ZMYM2: variants seen among roughly 807,000 people sequenced by gnomAD.
ZMYM2 encodes the protein zinc finger MYM-type protein 2.
Under a neutral mutation model 162.8 loss-of-function variants are expected in ZMYM2, and 56 were observed. The ratio of observed to expected loss-of-function variants is 0.34; its 90% CI spans 0.28 to 0.43. ZMYM2 has a LOEUF of 0.43. ZMYM2 is among the 20% of genes least tolerant of loss of function. The pLI, the probability that ZMYM2 is intolerant of heterozygous loss-of-function variation, is 1.00. For synonymous variants in ZMYM2, 510 were observed against 541.6 expected, an observed-to-expected ratio of 0.94 and a Z score of 0.81; for missense variants, 1,275 against 1,621.8, an observed-to-expected ratio of 0.79 and a Z score of 3.67.
At chr13:20,052,616 TAA>T (rs1345491987) in intron 14 of ZMYM2, among the ~76,000 whole-genome samples, 1 of 152,194 alleles carries the variant, frequency 6.6e-6, no homozygotes, top group Non-Finnish European at 1.5e-5. Flanking sequence ...TGTTTGAAAT[TAA>T]GACAATGGCA....
At chr13:19,884,473 G>A in the ZMYM2 span, among the ~76,000 whole-genome samples, 3 of 152,068 alleles carry the variant, frequency 2.0e-5, no homozygotes, top group Non-Finnish European at 2.9e-5. Context: ...AGCTACTCGG[G>A]AGGCCGAGGC....
chr13:19,998,468 G>C (rs1356666988), intron 3 of ZMYM2, among the ~76,000 whole-genome samples: 1 of 152,112 alleles, frequency 6.6e-6, no homozygotes, highest in African/African-American at 2.4e-5. Flanking sequence ...TATTTGTGTG[G>C]GCAAGAGCTG....
Position 19,993,280 on chromosome 13 carries a change from C to T in ZMYM2, c.208C>T (p.Pro70Ser). The T allele has an allele frequency of 1.9e-6, 3 of 1,613,930 alleles. No homozygotes were observed. The South Asian group carries it at 3.3e-5, about 18-fold the overall frequency. ...TTTTATCGAACCTGTACAACCTCCC[C>T]CACCTTCTGTACCAGTGGTAGCTGA... ...VVFIEPVQPP[P>S]PSVPVVADQR... The change falls in exon 3 of 25, where the codon CCA becomes TCA. Residue 70 changes from proline (P) to serine (S), a missense_variant. Pro to Ser is a moderately conservative substitution (Grantham distance 74). Transcript: ENST00000610343.
At chr13:20,027,702 A>G (rs953184965) in intron 9 of ZMYM2, among the ~76,000 whole-genome samples, 1 of 152,168 alleles carries the variant, frequency 6.6e-6, no homozygotes, top group Non-Finnish European at 1.5e-5. Flanking sequence ...TGCTTTCTTC[A>G]TATGTTAGAA....
chr13:20,047,649 CT>C (rs1246984339), intron 12 of ZMYM2, among the ~76,000 whole-genome samples: 34 of 152,028 alleles, frequency 2.2e-4, no homozygotes, highest in African/African-American at 7.7e-4. Flanking sequence ...ATAACTTCTA[CT>C]TTTTTGTTTA....
At chr13:19,896,032 C>CGTT in the ZMYM2 span, among the ~76,000 whole-genome samples, 1 of 44,214 alleles carries the variant, frequency 2.3e-5, no homozygotes, top group Admixed American at 3.6e-4. Flanking sequence ...ATTCTGATTC[C>CGTT]ATTTTTTTTT....
At chr13:20,040,750 A>G (rs1460492481) in intron 12 of ZMYM2, among the ~76,000 whole-genome samples, 1 of 152,094 alleles carries the variant, frequency 6.6e-6, no homozygotes, top group Admixed American at 6.5e-5. Flanking sequence ...AGTGCTATAA[A>G]TTTCCCTCTC....
intron 6 of ZMYM2, among the ~76,000 whole-genome samples, chr13:20,015,149 T>C (rs1951519467): frequency 6.6e-6 from 1 of 152,244 alleles, no homozygotes; most frequent in East Asian, 1.9e-4. Flanking sequence ...TAACTTTTGG[T>C]ATTCTTTTAG....
At chr13:19,902,916 G>T in the ZMYM2 span, among the ~76,000 whole-genome samples, 99,049 of 151,758 alleles carry the variant, frequency 0.65, 35,446 homozygotes, top group East Asian at 0.88. Flanking sequence ...CAACACTTTG[G>T]GAGGCTGAGG....
chr13:19,970,041 A>G, intron 2 of ZMYM2: 1 of 985,382 alleles, frequency 1.0e-6, no homozygotes, highest in Non-Finnish European at 1.2e-6. Flanking sequence ...TGAGGTCTTA[A>G]TCATGGAACA....
intron 3 of ZMYM2, among the ~76,000 whole-genome samples, chr13:19,994,828 T>C (rs1234571536): frequency 1.3e-5 from 2 of 152,018 alleles, no homozygotes; most frequent in African/African-American, 4.8e-5. Flanking sequence ...GCTTATTTAA[T>C]TTAATTAATT....
intron 21 of ZMYM2, among the ~76,000 whole-genome samples, chr13:20,075,402 C>T (rs183534116): frequency 2.6e-5 from 4 of 152,094 alleles, no homozygotes; most frequent in Admixed American, 6.5e-5. Flanking sequence ...AAGGGGAGCT[C>T]GGCCTTATTT....
At chr13:19,873,984 A>C in the ZMYM2 span, among the ~76,000 whole-genome samples, 1 of 152,046 alleles carries the variant, frequency 6.6e-6, no homozygotes, top group Non-Finnish European at 1.5e-5. Context: ...CAAGGACTTC[A>C]CCTTTCCAGG....
At chr13:19,963,661 T>C (rs1406329353) in intron 2 of ZMYM2, among the ~76,000 whole-genome samples, 2 of 152,182 alleles carry the variant, frequency 1.3e-5, no homozygotes, top group Non-Finnish European at 2.9e-5. Flanking sequence ...GGCAACAAGA[T>C]GAGTTGGTCA....
At chr13:19,890,724 T>C in the ZMYM2 span, among the ~76,000 whole-genome samples, 1 of 151,292 alleles carries the variant, frequency 6.6e-6, no homozygotes, top group Non-Finnish European at 1.5e-5. Flanking sequence ...AAAAAAAAAT[T>C]AGCCAGGCAT....
chr13:19,948,650 A>G, the ZMYM2 span, among the ~76,000 whole-genome samples: 3 of 152,202 alleles, frequency 2.0e-5, no homozygotes, highest in Non-Finnish European at 4.4e-5. Context: ...ATGTAAAACC[A>G]AGGGTAAACT....
At chr13:19,885,927 G>GTATATACACACATA in the ZMYM2 span, among the ~76,000 whole-genome samples, 3 of 97,518 alleles carry the variant, frequency 3.1e-5, 1 homozygote, top group Non-Finnish European at 6.2e-5. Context: ...ACATATATAT[G>GTATATACACACATA]TGTATACACA....
chr13:19,968,964 A>C (rs1956055494), intron 2 of ZMYM2, among the ~76,000 whole-genome samples: 1 of 152,234 alleles, frequency 6.6e-6, no homozygotes, highest in Non-Finnish European at 1.5e-5. Flanking sequence ...GAATAATTAT[A>C]TGCATATCAC....
rs760678571 is a variant in ZMYM2, at chr13:19,993,842, G to A, written c.770G>A (p.Gly257Glu). The A allele has an allele frequency of 1.2e-6, 2 of 1,614,058 alleles. No homozygotes were observed. The highest frequency in any genetic ancestry group is 3.3e-5 in the Admixed American group (2 of 60,010). ...ACTTCACAGACCAAGACTGGAGTAG[G>A]ACCTTTTAATCCTGGTAGAATGAAT... ...SLTSQTKTGVGPFNPGRMNVA... is the reference protein window; with the variant it reads ...SLTSQTKTGVEPFNPGRMNVA... Residue 257 changes from glycine (G) to glutamate (E), a missense_variant, in exon 3 of 25, where the codon GGA becomes GAA. This residue lies in a region of ZMYM2 where 115 missense variants were observed against 175.3 expected (regional missense o/e 0.66). Transcript: ENST00000610343.
Sources: gnomAD v4.1 joint callset for allele counts (sites outside exome capture counted in the v4.1 genomes callset) on GRCh38, gnomAD v4.1.1 for gene constraint, gnomAD v4.1.1 regional missense constraint, MANE v1.5 for transcripts, NCBI Gene and HGNC (gene_info 2026-07-23, HGNC 2026-07-21) for gene names.